The following DLG2 variants were observed in gnomAD, a reference collection of about 807,000 sequenced individuals.
DLG2 encodes the protein discs large MAGUK scaffold protein 2.
Under a neutral mutation model 132.5 loss-of-function variants are expected in DLG2, and 45 were observed. That is an observed-to-expected ratio of 0.34 (90% CI 0.27 to 0.44). The LOEUF is 0.44. DLG2 is among the 20% of genes least tolerant of loss of function. The pLI is 1.00. For synonymous variants in DLG2, 424 were observed against 419.6 expected (o/e 1.01, Z -0.13); for missense variants, 1,045 against 1,196.9 (o/e 0.87, Z 1.87).
chr11:83,732,840 A>G (rs1238186299), intron 18 of DLG2, among the ~76,000 whole-genome samples: 2 of 152,208 alleles, frequency 1.3e-5, no homozygotes, highest in Non-Finnish European at 2.9e-5. Context: ...AAGCACTGGG[A>G]AACACTTTCG....
intron 3 of DLG2, among the ~76,000 whole-genome samples, chr11:85,464,888 C>A (rs1008335854): frequency 6.6e-6 from 1 of 151,272 alleles, no homozygotes; most frequent in East Asian, 2.0e-4. Flanking sequence ...GCCTGGCCAA[C>A]ATGGTGACAC....
chr11:84,988,260 G>A (rs997609665), intron 6 of DLG2, among the ~76,000 whole-genome samples: 5 of 152,140 alleles, frequency 3.3e-5, no homozygotes, highest in Admixed American at 2.6e-4. Flanking sequence ...TGGATGCAGT[G>A]AACAGGGAAC....
chr11:83,904,190 G>A (rs1490967108), intron 15 of DLG2, among the ~76,000 whole-genome samples: 1 of 152,092 alleles, frequency 6.6e-6, no homozygotes, highest in Admixed American at 6.6e-5. Flanking sequence ...GATTATTCGG[G>A]TCCTGGGCAG....
At chr11:85,293,544 T>A (rs2079040970) in intron 3 of DLG2, among the ~76,000 whole-genome samples, 1 of 152,134 alleles carries the variant, frequency 6.6e-6, no homozygotes, top group Admixed American at 6.5e-5. Context: ...AATCTAATCA[T>A]AAGGAAACAT....
chr11:83,844,425 G>C (rs1401266842), intron 16 of DLG2, among the ~76,000 whole-genome samples: 5 of 151,140 alleles, frequency 3.3e-5, no homozygotes, highest in African/African-American at 9.7e-5. Context: ...GTGCATGTCT[G>C]TAATCCCAGC....
chr11:84,149,520 TG>T (rs2095219883), intron 9 of DLG2, among the ~76,000 whole-genome samples: 1 of 152,174 alleles, frequency 6.6e-6, no homozygotes, highest in Non-Finnish European at 1.5e-5. Context: ...AATGATCAGA[TG>T]GCTTTAGGTG....
chr11:85,065,173 G>A (rs2064721551), intron 6 of DLG2, among the ~76,000 whole-genome samples: 1 of 151,262 alleles, frequency 6.6e-6, no homozygotes, highest in South Asian at 2.1e-4. Context: ...GTCCTCTACT[G>A]TGTATCTTTT....
chr11:84,278,704 A>G (rs1345035163), intron 7 of DLG2, among the ~76,000 whole-genome samples: 2 of 152,212 alleles, frequency 1.3e-5, no homozygotes, highest in Non-Finnish European at 1.5e-5. Flanking sequence ...GAAATTTATT[A>G]AGTTTTCTTT....
At chr11:84,848,900 T>G in intron 6 of DLG2, among the ~76,000 whole-genome samples, 1 of 152,214 alleles carries the variant, frequency 6.6e-6, no homozygotes, top group East Asian at 1.9e-4. Flanking sequence ...CCACACTGAC[T>G]CAGGACTGGT....
chr11:84,146,511 A>G (rs1423167439), intron 9 of DLG2, among the ~76,000 whole-genome samples: 1 of 152,160 alleles, frequency 6.6e-6, no homozygotes, highest in Non-Finnish European at 1.5e-5. Context: ...AAATTAGAAA[A>G]GAATTTAGAA....
At chr11:85,349,728 A>G (rs2083133584) in intron 3 of DLG2, among the ~76,000 whole-genome samples, 1 of 152,112 alleles carries the variant, frequency 6.6e-6, no homozygotes, top group Admixed American at 6.5e-5. Context: ...ATTTCCTTGT[A>G]AAGGACATGA....
chr11:84,835,043 G>A (rs980624991), intron 6 of DLG2, among the ~76,000 whole-genome samples: 16 of 151,704 alleles, frequency 1.1e-4, no homozygotes, highest in African/African-American at 3.9e-4. Flanking sequence ...GATACAGCAT[G>A]CAGAGTGTCC....
At chr11:83,550,464 C>T (rs922098404) in intron 19 of DLG2, among the ~76,000 whole-genome samples, 3 of 152,158 alleles carry the variant, frequency 2.0e-5, no homozygotes, top group Non-Finnish European at 4.4e-5. Context: ...CTCTTTCAGG[C>T]TGTCCTGGCA....
chr11:84,859,389 CA>C (rs1011275398), intron 6 of DLG2, among the ~76,000 whole-genome samples: 5 of 142,200 alleles, frequency 3.5e-5, no homozygotes, highest in East Asian at 2.0e-4. Context: ...TATATGCATA[CA>C]TATATATGTA....
chr11:83,475,741 T>C (rs1301019881), intron 22 of DLG2, among the ~76,000 whole-genome samples: 1 of 151,600 alleles, frequency 6.6e-6, no homozygotes, highest in Non-Finnish European at 1.5e-5. Flanking sequence ...CTTTTCTCTC[T>C]CTTTCTTTCT....
At chr11:83,852,010 C>A (rs556811215) in intron 16 of DLG2, among the ~76,000 whole-genome samples, 1 of 151,956 alleles carries the variant, frequency 6.6e-6, no homozygotes, top group South Asian at 2.1e-4. Flanking sequence ...TGGAGTGGTG[C>A]AGCTGCAAAC....
intron 3 of DLG2, among the ~76,000 whole-genome samples, chr11:85,449,200 G>A (rs907363718): frequency 6.6e-6 from 1 of 151,798 alleles, no homozygotes; most frequent in Non-Finnish European, 1.5e-5. Context: ...CTGAAACAGA[G>A]AATTATGTCT....
chr11:84,203,465 C>T (rs181265127), intron 8 of DLG2, among the ~76,000 whole-genome samples: 2 of 151,788 alleles, frequency 1.3e-5, no homozygotes, highest in South Asian at 4.2e-4. Context: ...GCCTGTAGTT[C>T]CAGCTACTTG....
intron 9 of DLG2, among the ~76,000 whole-genome samples, chr11:84,116,335 G>A (rs1046071902): frequency 1.1e-4 from 16 of 152,290 alleles, no homozygotes; most frequent in Non-Finnish European, 1.6e-4. Context: ...CTGCTCAATC[G>A]AAATACTTTC....
Sources: gnomAD v4.1 joint callset for allele counts (sites outside exome capture counted in the v4.1 genomes callset) on GRCh38, gnomAD v4.1.1 for gene constraint, MANE v1.5 for transcripts, NCBI Gene and HGNC (gene_info 2026-07-23, HGNC 2026-07-21) for gene names.